Variants in NOL4L observed in about 807,000 individuals in gnomAD.
The protein encoded by NOL4L is nucleolar protein 4 like.
Under a neutral mutation model 64.5 loss-of-function variants are expected in NOL4L, and 7 were observed. The ratio of observed to expected loss-of-function variants is 0.11; its 90% CI spans 0.06 to 0.20. The LOEUF is 0.20. Among genes scored for constraint, NOL4L ranks in the 10% least tolerant of loss-of-function variants. The pLI, the probability that NOL4L is intolerant of heterozygous loss-of-function variation, is 1.00. For synonymous variants in NOL4L, 413 were observed against 401.0 expected, an observed-to-expected ratio of 1.03 and a Z score of -0.36; for missense variants, 680 against 967.1, an observed-to-expected ratio of 0.70 and a Z score of 3.94.
At chr20:32,531,211 A>G (rs926725314) in intron 1 of NOL4L, among the ~76,000 whole-genome samples, 2 of 152,216 alleles carry the variant, frequency 1.3e-5, no homozygotes, top group African/African-American at 4.8e-5. Context: ...AGACCAGAAC[A>G]CAGATATTTC....
intron 5 of NOL4L, among the ~76,000 whole-genome samples, chr20:32,471,040 G>A (rs1393208211): frequency 6.6e-6 from 1 of 152,232 alleles, no homozygotes; most frequent in Admixed American, 6.5e-5. Flanking sequence ...AGAGTGTGGG[G>A]AACTGGTGTA....
intron 4 of NOL4L, among the ~76,000 whole-genome samples, chr20:32,508,396 C>A (rs1432252210): frequency 6.6e-6 from 1 of 152,192 alleles, no homozygotes; most frequent in African/African-American, 2.4e-5. Flanking sequence ...ATCTGGTGAG[C>A]CATGTGATTT....
chr20:32,563,892 C>T (rs1979254433), intron 1 of NOL4L, among the ~76,000 whole-genome samples: 1 of 152,240 alleles, frequency 6.6e-6, no homozygotes, highest in African/African-American at 2.4e-5. Context: ...GTCACTGGGC[C>T]CTAAGCGTAT....
In NOL4L at chr20:32,480,598, G is replaced by A. The variant is rs373372959; in HGVS notation, c.700-5856C>T. ...CCCTGGACATTCTTCCACACGAGGCGACTCTCCCCCTTGTCTCCATGTCAG... is the reference window on the plus strand; with the variant it reads ...CCCTGGACATTCTTCCACACGAGGCAACTCTCCCCCTTGTCTCCATGTCAG... On this transcript the variant is annotated intron_variant, in intron 4 of 10. Transcript: ENST00000621426. 2.6e-4 allele frequency among the ~76,000 whole-genome samples: 39 copies of A among 152,208 alleles called. No individual in the cohort carries two copies. In the South Asian group the frequency reaches 6.8e-3, roughly 27 times the overall value.
intron 1 of NOL4L, chr20:32,536,449 T>G (rs1600852127): frequency 2.0e-5 from 4 of 196,150 alleles, no homozygotes; most frequent in Non-Finnish European, 3.1e-5. Flanking sequence ...GGGGCCGAGC[T>G]GGCCGCGCGC....
intron 10 of NOL4L, among the ~76,000 whole-genome samples, chr20:32,448,440 G>C (rs537967248): frequency 6.6e-6 from 1 of 152,226 alleles, no homozygotes. Flanking sequence ...CTGGTTGTCT[G>C]GGGGGAGAGG....
intron 4 of NOL4L, among the ~76,000 whole-genome samples, chr20:32,498,288 G>A (rs1411480018): frequency 3.3e-5 from 5 of 152,136 alleles, no homozygotes; most frequent in African/African-American, 1.2e-4. Context: ...CATTTTCTGT[G>A]AGAATTTGGA....
At chr20:32,548,756 A>G (rs1238681678) in intron 1 of NOL4L, 5 of 417,274 alleles carry the variant, frequency 1.2e-5, no homozygotes, top group Non-Finnish European at 1.9e-5. Flanking sequence ...CATGCTTGAA[A>G]TGGCCATCCA....
At chr20:32,470,524 C>T (rs1263772508) in intron 5 of NOL4L, among the ~76,000 whole-genome samples, 5 of 152,252 alleles carry the variant, frequency 3.3e-5, no homozygotes, top group Non-Finnish European at 7.3e-5. Context: ...CCACAGGTGG[C>T]GGCGTAAGTA....
intron 4 of NOL4L, chr20:32,475,398 C>A (rs918481277): frequency 8.3e-6 from 8 of 958,778 alleles, no homozygotes; most frequent in Non-Finnish European, 8.7e-6. Context: ...CGGACCAGAC[C>A]GCAAAGGGGG....
chr20:32,552,315 G>A (rs990849084), intron 1 of NOL4L, among the ~76,000 whole-genome samples: 12 of 152,162 alleles, frequency 7.9e-5, no homozygotes, highest in African/African-American at 2.7e-4. Flanking sequence ...GGAACAGGGT[G>A]ACTGGCAGGC....
At chr20:32,541,077 A>G (rs1176431503) in intron 1 of NOL4L, among the ~76,000 whole-genome samples, 1 of 149,222 alleles carries the variant, frequency 6.7e-6, no homozygotes, top group African/African-American at 2.5e-5. Flanking sequence ...GGCCCTTCTC[A>G]CTTGCATATA....
At chr20:32,524,212 A>G (rs2018046177) in intron 2 of NOL4L, among the ~76,000 whole-genome samples, 3 of 152,354 alleles carry the variant, frequency 2.0e-5, no homozygotes, top group Non-Finnish European at 4.4e-5. Flanking sequence ...GAAACTCTGT[A>G]GAACCAGCTG....
Position 32,481,519 on chromosome 20 carries a change from G to GCGTCTTCTCAGCTGGGAGGAAGGC in NOL4L, c.700-6801_700-6778dup, listed in dbSNP as rs578221700. Among the ~76,000 whole-genome samples the GCGTCTTCTCAGCTGGGAGGAAGGC allele has an allele frequency of 2.5e-4, 38 of 152,266 alleles. No individual in the cohort carries two copies. In the East Asian group the frequency reaches 2.7e-3, roughly 11 times the overall value. ...GGGCCGCAGGAAAAGTTCCCCAAAG[G>GCGTCTTCTCAGCTGGGAGGAAGGC]CGTCTTCTCAGCTGGGAGGAAGGCC... On this transcript the variant is annotated intron_variant, in intron 4 of 10. Transcript: ENST00000621426.
At chr20:32,488,971 T>C (rs1217619351) in intron 4 of NOL4L, among the ~76,000 whole-genome samples, 1 of 145,434 alleles carries the variant, frequency 6.9e-6, no homozygotes, top group Non-Finnish European at 1.5e-5. Flanking sequence ...TGGTCTTTTT[T>C]TTTTTTTTTT....
chr20:32,456,182 G>C lies in NOL4L; in HGVS notation c.1055C>G (p.Ser352Trp). The change falls in exon 6 of 11, where the codon TCG (serine) becomes TGG (tryptophan). Residue 352 changes from serine to tryptophan, a missense_variant. Around this residue, in one of 4 missense-constraint regions of NOL4L, gnomAD observed 254 missense variants for 238.7 expected, o/e 1.06. Transcript: ENST00000621426. ...ATALGTASYP[S>W]DGCGADGLRS... ...CAGCCCGTCGGCACCGCAGCCATCC[G>C]AGGGGTAGGAGGCTGTGCCAAGTGC... is the stretch of plus-strand genomic sequence containing the variant. 1 of 1,599,370 alleles carries C rather than the reference G, an allele frequency of 6.3e-7. No individual in the cohort carries two copies. The highest frequency in any genetic ancestry group is 8.5e-7 in the Non-Finnish European group (1 of 1,172,660).
intron 2 of NOL4L, among the ~76,000 whole-genome samples, chr20:32,527,556 C>G (rs1191274598): frequency 6.6e-6 from 1 of 152,074 alleles, no homozygotes; most frequent in African/African-American, 2.4e-5. Context: ...TTCCTTTGTG[C>G]TCAGACCACA....
intron 1 of NOL4L, chr20:32,548,781 C>T (rs1310609072): frequency 2.3e-6 from 1 of 435,408 alleles, no homozygotes. Flanking sequence ...CAGGGATGTT[C>T]ACTGAAGTCT....
intron 1 of NOL4L, among the ~76,000 whole-genome samples, chr20:32,574,199 C>T (rs1345866744): frequency 6.6e-6 from 1 of 152,272 alleles, no homozygotes; most frequent in African/African-American, 2.4e-5. Context: ...GATGTCCCTA[C>T]AGTGGCTCTG....
Sources: gnomAD v4.1 joint callset for allele counts (sites outside exome capture counted in the v4.1 genomes callset) on GRCh38, gnomAD v4.1.1 for gene constraint, gnomAD v4.1.1 regional missense constraint, MANE v1.5 for transcripts, NCBI Gene and HGNC (gene_info 2026-07-23, HGNC 2026-07-21) for gene names.